The following OSBP2 variants were observed in gnomAD, a reference collection of about 807,000 sequenced individuals.
OSBP2 encodes oxysterol-binding protein 2.
In OSBP2, 66 loss-of-function variants were observed where a neutral mutation model predicts 96.0. That is an observed-to-expected ratio of 0.69 (90% confidence interval 0.56 to 0.84). The LOEUF (loss-of-function observed/expected upper bound fraction) is 0.84. OSBP2 is among the 40% of genes least tolerant of loss of function. OSBP2 has a pLI of 0.00. For synonymous variants in OSBP2, 525 were observed against 520.9 expected (o/e 1.01, Z -0.11); for missense variants, 1,038 against 1,222.7 (o/e 0.85, Z 2.25).
intron 1 of OSBP2, among the ~76,000 whole-genome samples, chr22:30,730,754 CTCTCTCTCTCTCT>C (rs1345141748): frequency 8.9e-5 from 4 of 45,154 alleles, no homozygotes; most frequent in Non-Finnish European, 1.7e-4. Context: ...CTCTCTCTCT[CTCTCTCTCTCTCT>C]CTCTCTCTAT....
intron 12 of OSBP2, among the ~76,000 whole-genome samples, chr22:30,899,556 A>G (rs886578313): frequency 2.0e-5 from 3 of 152,198 alleles, no homozygotes; most frequent in Admixed American, 6.5e-5. Flanking sequence ...CTATTTTTTC[A>G]GAAACATATT....
At chr22:30,730,814 T>C (rs796970335) in intron 1 of OSBP2, among the ~76,000 whole-genome samples, 1 of 83,926 alleles carries the variant, frequency 1.2e-5, no homozygotes, top group Non-Finnish European at 2.3e-5. Context: ...ATATAATTTT[T>C]TTTTTTTTTC....
At position 30,904,325 on chromosome 22, in the gene OSBP2, A is replaced by G. The variant is rs148444238; in HGVS notation, c.2376-1512A>G. 4.9e-3 allele frequency among the ~76,000 whole-genome samples: 739 copies of G among 152,352 alleles called. 1 individual carries two copies. The highest frequency in any genetic ancestry group is 0.017 in the Middle Eastern group (5 of 294). On this transcript the variant is annotated intron_variant, in intron 12 of 13. Coordinates refer to ENST00000332585, the MANE Select transcript of OSBP2 (RefSeq NM_030758.4). ...CTGTCAGCTTCTCTGCTTCTGAGATAAGAACCATTTCTGTAACACCAATAC... is the reference window on the plus strand; with the variant it reads ...CTGTCAGCTTCTCTGCTTCTGAGATGAGAACCATTTCTGTAACACCAATAC...
chr22:30,735,373 T>C (rs2089833976), intron 1 of OSBP2, among the ~76,000 whole-genome samples: 1 of 151,678 alleles, frequency 6.6e-6, no homozygotes, highest in Admixed American at 6.6e-5. Flanking sequence ...TCTATTTCAT[T>C]AAATTGTTTC....
chr22:30,817,570 G>C (rs2091096960), intron 2 of OSBP2, among the ~76,000 whole-genome samples: 1 of 152,216 alleles, frequency 6.6e-6, no homozygotes, highest in South Asian at 2.1e-4. Flanking sequence ...CAGCAATGCA[G>C]ACAGAAGGGA....
chr22:30,699,405 A>T (rs144541984), intron 1 of OSBP2, among the ~76,000 whole-genome samples: 4 of 152,344 alleles, frequency 2.6e-5, no homozygotes, highest in African/African-American at 9.6e-5. Flanking sequence ...ACATTCTTGT[A>T]TGTGTGCCGG....
At chr22:30,752,725 GA>G (rs2090093918) in intron 2 of OSBP2, among the ~76,000 whole-genome samples, 1 of 152,130 alleles carries the variant, frequency 6.6e-6, no homozygotes, top group Non-Finnish European at 1.5e-5. Context: ...CCTGGAAAAG[GA>G]AAGAGATTCT....
intron 1 of OSBP2, chr22:30,731,561 G>T (rs1388512996): frequency 6.5e-6 from 1 of 153,866 alleles, no homozygotes; most frequent in East Asian, 1.9e-4. Context: ...GAAGGAGGTG[G>T]TCGAGGGAAT....
At chr22:30,785,810 G>A (rs776632300) in intron 2 of OSBP2, among the ~76,000 whole-genome samples, 2 of 152,096 alleles carry the variant, frequency 1.3e-5, no homozygotes, top group Admixed American at 6.6e-5. Flanking sequence ...TTTGATAAGT[G>A]TCTGGCACTT....
intron 12 of OSBP2, chr22:30,902,110 GAAAAAAAA>G (rs60499517): frequency 1.5e-5 from 3 of 200,952 alleles, no homozygotes; most frequent in African/African-American, 9.0e-5. Flanking sequence ...AGCAATATAA[GAAAAAAAA>G]AAAAAACGAA....
chr22:30,771,248 G>A (rs2090344232), intron 2 of OSBP2, among the ~76,000 whole-genome samples: 1 of 152,190 alleles, frequency 6.6e-6, no homozygotes, highest in African/African-American at 2.4e-5. Flanking sequence ...AAGGAACCAT[G>A]GTGGGCTCAG....
At chr22:30,710,487 G>A (rs1365561018) in intron 1 of OSBP2, among the ~76,000 whole-genome samples, 2 of 152,166 alleles carry the variant, frequency 1.3e-5, no homozygotes, top group South Asian at 2.1e-4. Context: ...GTTAGTGGAA[G>A]TCTCTTCAAG....
At chr22:30,707,816 A>G (rs1224568783) in intron 1 of OSBP2, among the ~76,000 whole-genome samples, 1 of 151,712 alleles carries the variant, frequency 6.6e-6, no homozygotes, top group Non-Finnish European at 1.5e-5. Flanking sequence ...GCCGAGGGGG[A>G]GTCAATGAAT....
chr22:30,835,576 C>T (rs2038613140), intron 2 of OSBP2, among the ~76,000 whole-genome samples: 1 of 152,020 alleles, frequency 6.6e-6, no homozygotes, highest in South Asian at 2.1e-4. Flanking sequence ...TAGATAGGAC[C>T]TTTTATATTT....
At chr22:30,762,171 G>A (rs1369542269) in intron 2 of OSBP2, among the ~76,000 whole-genome samples, 2 of 151,976 alleles carry the variant, frequency 1.3e-5, no homozygotes, top group Admixed American at 6.6e-5. Context: ...TCAGTGAACC[G>A]AGATTACACT....
At chr22:30,905,529 T>C (rs1219493390) in intron 12 of OSBP2, among the ~76,000 whole-genome samples, 3 of 151,618 alleles carry the variant, frequency 2.0e-5, no homozygotes, top group Non-Finnish European at 2.9e-5. Flanking sequence ...AAAAACATAA[T>C]AGAAAAGAAG....
intron 1 of OSBP2, among the ~76,000 whole-genome samples, chr22:30,701,543 CCA>C (rs2089163020): frequency 6.6e-6 from 1 of 151,980 alleles, no homozygotes; most frequent in Non-Finnish European, 1.5e-5. Flanking sequence ...CGGGGTTTCA[CCA>C]TGTTAGCCAG....
chr22:30,853,549 T>A, intron 2 of OSBP2, among the ~76,000 whole-genome samples: 1 of 152,182 alleles, frequency 6.6e-6, no homozygotes, highest in Middle Eastern at 3.2e-3. Context: ...AGGAGTTTTA[T>A]TCTTGTTAAC....
At chr22:30,814,375 C>T (rs532877145) in intron 2 of OSBP2, among the ~76,000 whole-genome samples, 1 of 151,456 alleles carries the variant, frequency 6.6e-6, no homozygotes, top group Admixed American at 6.6e-5. Context: ...CTCATTTCCT[C>T]CTCTTCTTAT....
Sources: gnomAD v4.1 joint callset for allele counts (sites outside exome capture counted in the v4.1 genomes callset) on GRCh38, gnomAD v4.1.1 for gene constraint, MANE v1.5 for transcripts, NCBI Gene and HGNC (gene_info 2026-07-23, HGNC 2026-07-21) for gene names.